MCPH1: variants seen among roughly 807,000 people sequenced by gnomAD.
MCPH1 encodes the protein microcephalin 1.
A neutral mutation model predicts 84.5 loss-of-function variants in MCPH1; 104 were observed. The ratio of observed to expected loss-of-function variants is 1.23; its 90% CI spans 1.05 to 1.45. MCPH1 has a LOEUF of 1.45. Among genes scored for constraint, MCPH1 ranks in the 40% most tolerant of loss-of-function variants. The pLI is 0.00. For synonymous variants in MCPH1, 514 were observed against 366.8 expected (o/e 1.40, Z -4.58); for missense variants, 1,498 against 1,005.7 (o/e 1.49, Z -6.62).
chr8:6,480,584 G>T, intron 10 of MCPH1, 130 bp from the exon 11 acceptor site: 1 of 920,556 alleles, frequency 1.1e-6, no homozygotes, highest in East Asian at 2.4e-5. Flanking sequence ...TAAGATATAC[G>T]TACCATAACC....
intron 13 of MCPH1, among the ~76,000 whole-genome samples, chr8:6,635,837 A>G (rs1797508190): frequency 6.6e-6 from 1 of 152,206 alleles, no homozygotes; most frequent in African/African-American, 2.4e-5. Context: ...ATCAAAGCAC[A>G]GCATGGTTGG....
chr8:6,529,882 G>GT (rs3045055), intron 12 of MCPH1, among the ~76,000 whole-genome samples: 150 of 148,672 alleles, frequency 1.0e-3, no homozygotes, highest in Middle Eastern at 3.4e-3. Flanking sequence ...CACAATAGGC[G>GT]TTTTTTTTTT....
At chr8:6,568,719 G>A (rs190942730) in intron 12 of MCPH1, among the ~76,000 whole-genome samples, 5 of 152,308 alleles carry the variant, frequency 3.3e-5, no homozygotes, top group East Asian at 3.9e-4. Context: ...TGCTGACATC[G>A]TTTTCCATCA....
At chr8:6,424,820 C>G (rs550356443) in intron 3 of MCPH1, among the ~76,000 whole-genome samples, 4 of 152,220 alleles carry the variant, frequency 2.6e-5, no homozygotes, top group Non-Finnish European at 5.9e-5. Context: ...GCAGACTTCT[C>G]TGAGTCTCCT....
chr8:6,558,660 C>G (rs536739394), intron 12 of MCPH1, among the ~76,000 whole-genome samples: 1 of 152,036 alleles, frequency 6.6e-6, no homozygotes, highest in African/African-American at 2.4e-5. Context: ...TCTAGTGTCT[C>G]AATAGAAGGT....
At chr8:6,638,853 C>G (rs1192604789) in intron 13 of MCPH1, among the ~76,000 whole-genome samples, 1 of 152,172 alleles carries the variant, frequency 6.6e-6, no homozygotes. Flanking sequence ...GTGAGGGGCT[C>G]CCTGGACATG....
intron 2 of MCPH1, among the ~76,000 whole-genome samples, chr8:6,411,881 T>C (rs1439830140): frequency 6.6e-6 from 1 of 152,162 alleles, no homozygotes; most frequent in Non-Finnish European, 1.5e-5. Context: ...GGGGAACTAA[T>C]GTGCTCTTAT....
intron 12 of MCPH1, among the ~76,000 whole-genome samples, chr8:6,568,683 C>G (rs1826417599): frequency 1.3e-5 from 2 of 152,224 alleles, no homozygotes; most frequent in African/African-American, 2.4e-5. Flanking sequence ...AGGCACATTG[C>G]TGCCCTGCAT....
At chr8:6,640,095 T>TGCGC (rs1335016206) in intron 13 of MCPH1, among the ~76,000 whole-genome samples, 1 of 138,564 alleles carries the variant, frequency 7.2e-6, no homozygotes, top group African/African-American at 3.0e-5. Context: ...TGTGTGTGTG[T>TGCGC]GTGCGCGCGC....
At chr8:6,598,067 A>C (rs987539818) in intron 12 of MCPH1, among the ~76,000 whole-genome samples, 1 of 152,132 alleles carries the variant, frequency 6.6e-6, no homozygotes, top group Non-Finnish European at 1.5e-5. Flanking sequence ...TCACGTATTT[A>C]GTTATACTTG....
At chr8:6,592,634 T>TGCTG in intron 12 of MCPH1, among the ~76,000 whole-genome samples, 1 of 140,978 alleles carries the variant, frequency 7.1e-6, no homozygotes. Context: ...TTTTTTTTTT[T>TGCTG]TTTTTTTTTG....
At position 6,621,644 on chromosome 8, in the gene MCPH1, G is replaced by A. The variant is rs776271896; in HGVS notation, c.2405G>A (p.Gly802Glu). The change falls in exon 13 of 14, where the codon GGA becomes GAA. Residue 802 changes from glycine (G) to glutamate (E), a missense_variant. Transcript: ENST00000344683. ...QASIVIGPYSGKKKATVKYLS... is the reference protein window; with the variant it reads ...QASIVIGPYSEKKKATVKYLS... The stretch of plus-strand genomic sequence containing the variant: ...AGCATCGTCATCGGGCCCTACAGCG[G>A]AAAGAAGAAAGCCACAGTCAAGTAT... The A allele has an allele frequency of 1.2e-6, 2 of 1,614,236 alleles. No individual in the cohort carries two copies. The highest frequency in any genetic ancestry group is 1.7e-6 in the Non-Finnish European group (2 of 1,180,046).
At chr8:6,625,314 A>G in intron 13 of MCPH1, 1 of 985,450 alleles carries the variant, frequency 1.0e-6, no homozygotes, top group Non-Finnish European at 1.2e-6. Flanking sequence ...AGGCTTCTTA[A>G]GTGTGGCAGA....
intron 5 of MCPH1, among the ~76,000 whole-genome samples, chr8:6,437,677 A>C (rs1467217776): frequency 6.6e-6 from 1 of 152,036 alleles, no homozygotes; most frequent in Non-Finnish European, 1.5e-5. Context: ...GTGCGTGTCC[A>C]TCCTTCCTTC....
rs552282806 is a variant in MCPH1, at chr8:6,465,681, C to T, written c.1935+10429C>T. ...AACCAAAACAAGGAAGGGCGGAGGG[C>T]GGGGGAGGCCTGCAAACCTTACGGC... On this transcript the variant is annotated intron_variant, in intron 9 of 13. Coordinates refer to ENST00000344683, the MANE Select transcript of MCPH1 (RefSeq NM_024596.5). 2.3e-3 allele frequency among the ~76,000 whole-genome samples: 334 copies of T among 145,500 alleles called. 4 individuals carry two copies. Among genetic ancestry groups the T allele is most frequent in the African/African-American group, 8.0e-3 (324 of 40,576 alleles).
chr8:6,445,442 T>C lies in MCPH1; in HGVS notation c.1720T>C (p.Ser574Pro). 6.2e-7 allele frequency: 1 copy of C among 1,614,180 alleles called. No homozygotes were observed. Among genetic ancestry groups the C allele is most frequent in the Non-Finnish European group, 8.5e-7 (1 of 1,180,050 alleles). Reference sequence around the variant, plus strand: ...TACCACTTCCAAAATATCAAACTCCTCTGAAGGCGAAGCCCAGAGTGAACA... The same window carrying C: ...TACCACTTCCAAAATATCAAACTCCCCTGAAGGCGAAGCCCAGAGTGAACA... ...KGTTSKISNS[S>P]EGEAQSEHEP... is the part of the protein sequence containing the mutation. Residue 574 changes from serine to proline, a missense_variant, in exon 8 of 14, where the codon TCT (serine) becomes CCT (proline). Ser to Pro is a moderately conservative substitution (Grantham distance 74). Transcript: ENST00000344683.
At chr8:6,496,789 G>A (rs547550132) in intron 11 of MCPH1, among the ~76,000 whole-genome samples, 5 of 152,178 alleles carry the variant, frequency 3.3e-5, no homozygotes, top group Admixed American at 6.5e-5. Flanking sequence ...TCATGTTACA[G>A]TTGTATTTTC....
intron 3 of MCPH1, among the ~76,000 whole-genome samples, chr8:6,416,216 T>C (rs551594905): frequency 1.2e-4 from 18 of 152,338 alleles, no homozygotes; most frequent in African/African-American, 4.3e-4. Context: ...ATATGCAATG[T>C]TGTGTAATTT....
chr8:6,444,481 A>G lies in MCPH1; in HGVS notation c.759A>G (p.Gly253=), dbSNP rs778315289. 6.7e-5 allele frequency: 108 copies of G among 1,614,078 alleles called. 2 individuals are homozygous for G. In the South Asian group the frequency reaches 1.1e-3, roughly 16 times the overall value. Residue 253 remains glycine, a synonymous_variant, in exon 8 of 14, where the codon GGA becomes GGG. Transcript: ENST00000344683. The part of the protein sequence containing the change: ...GCGNQERKLE[G]SINDIKSDVC... ...GAAATCAGGAAAGGAAGTTGGAAGG[A>G]TCCATTAATGACATTAAAAGTGATG... is the stretch of plus-strand genomic sequence containing the variant.
Sources: gnomAD v4.1 joint callset for allele counts (sites outside exome capture counted in the v4.1 genomes callset) on GRCh38, gnomAD v4.1.1 for gene constraint, MANE v1.5 for transcripts, NCBI Gene and HGNC (gene_info 2026-07-23, HGNC 2026-07-21) for gene names.